Variants in LITAF observed in about 807,000 individuals in gnomAD.
The protein encoded by LITAF is lipopolysaccharide-induced tumor necrosis factor-alpha factor.
In LITAF, 9 loss-of-function variants were observed where a neutral mutation model predicts 14.5. That is an observed-to-expected ratio of 0.62 (90% CI 0.37 to 1.08). The LOEUF (loss-of-function observed/expected upper bound fraction) is 1.08. Among genes scored for constraint, LITAF ranks in the 50% least tolerant of loss-of-function variants. The pLI, the probability that LITAF is intolerant of heterozygous loss-of-function variation, is 0.01. For synonymous variants in LITAF, 98 were observed against 88.2 expected, an observed-to-expected ratio of 1.11 and a Z score of -0.62; for missense variants, 206 against 213.4, an observed-to-expected ratio of 0.97 and a Z score of 0.22.
At chr16:11,637,966 C>A (rs866591664), upstream of LITAF, among the ~76,000 whole-genome samples, 45 of 30,808 alleles carry the variant, frequency 1.5e-3, 1 homozygote, top group Middle Eastern at 0.023. Context: ...CTATATATAT[C>A]TATATATCTA....
upstream of LITAF, among the ~76,000 whole-genome samples, chr16:11,638,889 T>C (rs1387743673): frequency 6.7e-6 from 1 of 148,664 alleles, no homozygotes; most frequent in East Asian, 1.9e-4. Context: ...ACCTGTGTAT[T>C]TTTTTTTTTG....
chr16:11,565,324 C>G (rs981178507), intron 1 of LITAF, among the ~76,000 whole-genome samples: 2 of 151,924 alleles, frequency 1.3e-5, no homozygotes, highest in African/African-American at 2.4e-5. Flanking sequence ...CTCAAGTGAT[C>G]CACCTGCCTC....
At chr16:11,565,440 G>C (rs544961732) in intron 1 of LITAF, among the ~76,000 whole-genome samples, 1 of 150,524 alleles carries the variant, frequency 6.6e-6, no homozygotes. Flanking sequence ...ACTAAAAAGC[G>C]GGGGGCGGGG....
chr16:11,556,381 G>A, intron 2 of LITAF, 130 bp downstream of exon 2: 1 of 726,686 alleles, frequency 1.4e-6, no homozygotes, highest in South Asian at 1.9e-5. Context: ...GAATTTCAAG[G>A]TAAGGGGGTA....
intron 3 of LITAF, among the ~76,000 whole-genome samples, chr16:11,633,009 A>T (rs1216666281): frequency 6.6e-6 from 1 of 152,154 alleles, no homozygotes; most frequent in Non-Finnish European, 1.5e-5. Context: ...TCCTGCACCC[A>T]TGATACCCTC....
intron 1 of LITAF, among the ~76,000 whole-genome samples, chr16:11,557,440 T>C (rs1174239733): frequency 1.3e-5 from 2 of 152,060 alleles, no homozygotes; most frequent in Non-Finnish European, 2.9e-5. Context: ...GTATGTGTGT[T>C]ATAGTTTTGT....
chr16:11,621,031 G>T (rs971709505), intron 3 of LITAF, among the ~76,000 whole-genome samples: 1 of 151,944 alleles, frequency 6.6e-6, no homozygotes, highest in Non-Finnish European at 1.5e-5. Flanking sequence ...GAGTAGCTGG[G>T]ACTACAGGCG....
chr16:11,596,452 A>AGAG (rs75949027), intron 1 of LITAF, among the ~76,000 whole-genome samples: 8 of 80,406 alleles, frequency 9.9e-5, no homozygotes, highest in East Asian at 3.6e-4. Context: ...AAATCCCAAT[A>AGAG]GAGGAGGAGG....
At chr16:11,572,498 G>A (rs767230968) in intron 1 of LITAF, among the ~76,000 whole-genome samples, 2 of 151,068 alleles carry the variant, frequency 1.3e-5, no homozygotes, top group African/African-American at 2.5e-5. Context: ...ACCTGCTGAC[G>A]GGACATCACA....
chr16:11,614,444 C>G (rs1318256647), intron 3 of LITAF, among the ~76,000 whole-genome samples: 2 of 151,706 alleles, frequency 1.3e-5, no homozygotes, highest in Non-Finnish European at 2.9e-5. Context: ...GGATTATAGG[C>G]ACACACCACC....
At chr16:11,587,575 A>G (rs948475490), upstream of LITAF, 6 of 366,276 alleles carry the variant, frequency 1.6e-5, no homozygotes, top group African/African-American at 1.1e-4. Context: ...CAGGATAGGT[A>G]TTAGGTAAGG....
At chr16:11,561,208 A>T (rs780009405) in intron 1 of LITAF, 1 of 152,350 alleles carries the variant, frequency 6.6e-6, no homozygotes, top group South Asian at 2.1e-4. Context: ...GTGATTGCCA[A>T]TGGAATGCTT....
chr16:11,638,012 ATC>A (rs1274017166), upstream of LITAF, among the ~76,000 whole-genome samples: 20 of 105,984 alleles, frequency 1.9e-4, 1 homozygote, highest in Admixed American at 3.0e-4. Flanking sequence ...ATCTATATAT[ATC>A]TATATATATC....
At chr16:11,592,963 G>A (rs1442240814) in intron 1 of LITAF, among the ~76,000 whole-genome samples, 1 of 152,176 alleles carries the variant, frequency 6.6e-6, no homozygotes, top group African/African-American at 2.4e-5. Context: ...GAGGTCAGGA[G>A]ATCGAGACCA....
At chr16:11,589,786 T>G (rs912477547), upstream of LITAF, among the ~76,000 whole-genome samples, 10 of 52,408 alleles carry the variant, frequency 1.9e-4, no homozygotes, top group African/African-American at 1.4e-3. Context: ...GCCCAGCTAG[T>G]TTTTTTTTGT....
chr16:11,575,189 A>G (rs2064611893), intron 1 of LITAF, among the ~76,000 whole-genome samples: 1 of 152,020 alleles, frequency 6.6e-6, no homozygotes. Flanking sequence ...GGATTGAGAG[A>G]TGTGGACCCT....
rs1304484401 is a variant in LITAF, at chr16:11,558,784, T to A, written c.-5-2049A>T. Among the ~76,000 whole-genome samples the A allele has an allele frequency of 6.6e-6, 1 of 151,962 alleles. No homozygotes were observed. The highest frequency in any genetic ancestry group is 1.5e-5 in the Non-Finnish European group (1 of 67,980). ...TAAAAAGAAAGTCAGTAAGTAAAGATAGGTTGGGGCTGCATTCTAGAAAAC... is the reference window on the plus strand; with the variant it reads ...TAAAAAGAAAGTCAGTAAGTAAAGAAAGGTTGGGGCTGCATTCTAGAAAAC... On this transcript the variant is annotated intron_variant, in intron 1 of 3. Transcript: ENST00000622633. The surrounding 1 kb of genome is among the most constrained non-coding windows in gnomAD (Gnocchi z 4.1).
chr16:11,555,441 G>T (rs538482948), intron 2 of LITAF, among the ~76,000 whole-genome samples: 26 of 152,236 alleles, frequency 1.7e-4, no homozygotes, highest in African/African-American at 6.3e-4. Flanking sequence ...TGGGAAGATC[G>T]TTTGAGCTCA....
intron 1 of LITAF, among the ~76,000 whole-genome samples, chr16:11,598,029 C>A (rs2064902065): frequency 6.6e-6 from 1 of 152,204 alleles, no homozygotes; most frequent in African/African-American, 2.4e-5. Flanking sequence ...CCTCAGACAC[C>A]CGAGTAGCTG....
Sources: allele counts gnomAD v4.1 joint callset (sites outside exome capture counted in the v4.1 genomes callset), GRCh38; gene constraint gnomAD v4.1.1; non-coding constraint Gnocchi (gnomAD v3.1); transcripts MANE v1.5; gene names NCBI Gene and HGNC (gene_info 2026-07-23, HGNC 2026-07-21).